Variants in RSU1 observed in about 807,000 individuals in gnomAD.
The protein encoded by RSU1 is Ras suppressor protein 1, also known as rsu-1.
In RSU1, 26 loss-of-function variants were observed where a neutral mutation model predicts 31.1. The observed-to-expected ratio is 0.84, with a 90% CI of 0.61 to 1.16. The LOEUF (loss-of-function observed/expected upper bound fraction) is 1.16, where lower values mean the gene tolerates loss of function less well. Among genes scored for constraint, RSU1 ranks in the 50% most tolerant of loss-of-function variants. The pLI is 0.00. For synonymous variants in RSU1, 164 were observed against 136.3 expected (o/e 1.20, Z -1.41); for missense variants, 320 against 339.1 (o/e 0.94, Z 0.44).
chr10:16,764,293 C>T, intron 4 of RSU1, 97 bp downstream of exon 4: 1 of 1,305,802 alleles, frequency 7.7e-7, no homozygotes, highest in Non-Finnish European at 1.0e-6. Flanking sequence ...AAATCCATTT[C>T]TGTGCAATAA....
chr10:16,596,370 A>G (rs1023765155), intron 8 of RSU1, among the ~76,000 whole-genome samples: 10 of 152,134 alleles, frequency 6.6e-5, no homozygotes, highest in African/African-American at 2.4e-4. Context: ...AGATCCCTCC[A>G]TTCTATTCCT....
chr10:16,732,301 GTATT>G (rs1836530564), intron 7 of RSU1, among the ~76,000 whole-genome samples: 1 of 152,166 alleles, frequency 6.6e-6, no homozygotes, highest in Non-Finnish European at 1.5e-5. Flanking sequence ...TGTGGACTGA[GTATT>G]TATGACCCCT....
At chr10:16,757,675 A>C (rs970211732) in intron 4 of RSU1, among the ~76,000 whole-genome samples, 1 of 152,212 alleles carries the variant, frequency 6.6e-6, no homozygotes, top group Non-Finnish European at 1.5e-5. Flanking sequence ...TTCAGAAGTG[A>C]CTGATGAAGG....
At chr10:16,772,641 G>GAATAAAA (rs1837443814) in intron 3 of RSU1, among the ~76,000 whole-genome samples, 1 of 64,774 alleles carries the variant, frequency 1.5e-5, no homozygotes, top group African/African-American at 5.5e-5. Flanking sequence ...AGTAGAATAT[G>GAATAAAA]AAAAAAAAAA....
At chr10:16,645,628 C>T (rs1461212845) in intron 8 of RSU1, among the ~76,000 whole-genome samples, 1 of 151,378 alleles carries the variant, frequency 6.6e-6, no homozygotes, top group African/African-American at 2.4e-5. Flanking sequence ...GGCAACATGG[C>T]AAAACCTCAT....
intron 3 of RSU1, among the ~76,000 whole-genome samples, chr10:16,772,641 G>GAAAAAAAAAAAAAAAAAAAAAAAAAA (rs60460081): frequency 3.1e-5 from 2 of 64,772 alleles, no homozygotes; most frequent in African/African-American, 1.1e-4. Flanking sequence ...AGTAGAATAT[G>GAAAAAAAAAAAAAAAAAAAAAAAAAA]AAAAAAAAAA....
At chr10:16,768,498 ACTCAGATATC>A (rs113197871) in intron 3 of RSU1, among the ~76,000 whole-genome samples, 13,099 of 152,080 alleles carry the variant, frequency 0.086, 817 homozygotes, top group East Asian at 0.18. Flanking sequence ...GTCCCAGAGG[ACTCAGATATC>A]CCCTGGCTCC....
intron 8 of RSU1, among the ~76,000 whole-genome samples, chr10:16,668,127 TC>T (rs1205757453): frequency 6.6e-6 from 1 of 152,180 alleles, no homozygotes; most frequent in African/African-American, 2.4e-5. Flanking sequence ...AGTTACTTAA[TC>T]CCCCTGTATT....
At chr10:16,691,025 G>A (rs1458654983) in intron 8 of RSU1, among the ~76,000 whole-genome samples, 1 of 152,018 alleles carries the variant, frequency 6.6e-6, no homozygotes, top group Non-Finnish European at 1.5e-5. Context: ...TGAAAATTAG[G>A]AACTATAATA....
chr10:16,703,748 G>A (rs1055063040), intron 7 of RSU1, among the ~76,000 whole-genome samples: 2 of 152,130 alleles, frequency 1.3e-5, no homozygotes, highest in Admixed American at 6.5e-5. Flanking sequence ...ATACACAGGT[G>A]TATAGGAAAA....
intron 2 of RSU1, among the ~76,000 whole-genome samples, chr10:16,790,834 C>T (rs927713029): frequency 6.6e-6 from 1 of 152,124 alleles, no homozygotes; most frequent in African/African-American, 2.4e-5. Context: ...GCTCCCATCA[C>T]GAAGACGTGA....
At chr10:16,807,336 T>C (rs1480032157) in intron 2 of RSU1, among the ~76,000 whole-genome samples, 7 of 152,230 alleles carry the variant, frequency 4.6e-5, no homozygotes, top group Non-Finnish European at 7.3e-5. Context: ...GAAGGATCTT[T>C]ATGAGGTATG....
chr10:16,787,387 C>T lies in RSU1; in HGVS notation c.110-5303G>A, dbSNP rs745795088. ...CCATGCCAGGCCACCTCCACCAGGACGCCCTCCTCACTCTGCCTGGGCCCC... is the reference window on the plus strand; with the variant it reads ...CCATGCCAGGCCACCTCCACCAGGATGCCCTCCTCACTCTGCCTGGGCCCC... On this transcript the variant is annotated intron_variant, in intron 2 of 8. Transcript: ENST00000345264. Among the ~76,000 whole-genome samples the T allele has an allele frequency of 5.7e-4, 86 of 152,142 alleles. 2 individuals are homozygous for T. Among genetic ancestry groups the T allele is most frequent in the Non-Finnish European group, 2.9e-5 (2 of 68,024 alleles).
At chr10:16,672,144 A>C (rs1402286494) in intron 8 of RSU1, among the ~76,000 whole-genome samples, 1 of 56,928 alleles carries the variant, frequency 1.8e-5, no homozygotes, top group Admixed American at 1.4e-4. Flanking sequence ...TAAAAATACA[A>C]AAAAAAAAAA....
intron 2 of RSU1, among the ~76,000 whole-genome samples, chr10:16,812,733 G>A (rs1458830254): frequency 6.6e-6 from 1 of 151,832 alleles, no homozygotes; most frequent in African/African-American, 2.4e-5. Flanking sequence ...ATAAAGGCTT[G>A]ACCACCCAGA....
intron 2 of RSU1, among the ~76,000 whole-genome samples, chr10:16,807,751 C>A (rs1011810834): frequency 6.6e-6 from 1 of 152,114 alleles, no homozygotes; most frequent in Non-Finnish European, 1.5e-5. Flanking sequence ...AGACGAGGTA[C>A]GGTGGCTCAC....
chr10:16,595,840 A>G (rs995609573), intron 8 of RSU1, among the ~76,000 whole-genome samples: 1 of 151,728 alleles, frequency 6.6e-6, no homozygotes, highest in Admixed American at 6.6e-5. Context: ...ATAGTGGTGC[A>G]TGCCTGTAGT....
At position 16,593,473 on chromosome 10, in the gene RSU1, G is replaced by A; in HGVS notation, c.755C>T (p.Ala252Val). ...YKYLYGRHMQ[A>V]NPEPPKKNND... ...ATTCTTCTTCGGTGGTTCTGGGTTG[G>A]CCTGCATGTGTCTGCCGTAGAGGCT... The change falls in exon 9 of 9, where the codon GCC becomes GTC. Residue 252 changes from alanine to valine, a missense_variant. Ala to Val is a moderately conservative substitution (Grantham distance 64). Transcript: ENST00000345264. 6.2e-7 allele frequency: 1 copy of A among 1,613,940 alleles called. No homozygotes were observed. Among genetic ancestry groups the A allele is most frequent in the Non-Finnish European group, 8.5e-7 (1 of 1,179,950 alleles).
chr10:16,594,334 C>G (rs1249503060), intron 8 of RSU1, among the ~76,000 whole-genome samples: 1 of 152,088 alleles, frequency 6.6e-6, no homozygotes. Context: ...TGGCCCAGCT[C>G]CAGCATCCAC....
Sources: allele counts gnomAD v4.1 joint callset (sites outside exome capture counted in the v4.1 genomes callset), GRCh38; gene constraint gnomAD v4.1.1; transcripts MANE v1.5; gene names NCBI Gene and HGNC (gene_info 2026-07-23, HGNC 2026-07-21).